Variants in CNIH3 observed in about 807,000 individuals in gnomAD.
CNIH3 encodes cornichon family AMPA receptor auxiliary protein 3.
A neutral mutation model predicts 24.1 loss-of-function variants in CNIH3; 14 were observed. The ratio of observed to expected loss-of-function variants is 0.58; its 90% confidence interval spans 0.38 to 0.91. CNIH3 has a LOEUF of 0.91. Ranked by LOEUF, CNIH3 falls within the 40% of genes least tolerant of loss-of-function variation. The pLI, the probability that CNIH3 is intolerant of heterozygous loss-of-function variation, is 0.00. For missense variants in CNIH3, 178 were observed against 196.8 expected, an observed-to-expected ratio of 0.90 and a Z score of 0.57; for synonymous variants, 68 against 73.8, an observed-to-expected ratio of 0.92 and a Z score of 0.40.
intron 3 of CNIH3, among the ~76,000 whole-genome samples, chr1:224,560,097 C>T (rs1335207825): frequency 6.6e-6 from 1 of 152,006 alleles, no homozygotes; most frequent in Non-Finnish European, 1.5e-5. Flanking sequence ...TATGGTATGC[C>T]ATAGAATGAA....
chr1:224,437,780 A>G (rs1416204794), intron 1 of CNIH3, among the ~76,000 whole-genome samples: 2 of 152,176 alleles, frequency 1.3e-5, no homozygotes, highest in Non-Finnish European at 2.9e-5. Context: ...AGTAAAATAT[A>G]TTTCTTCTGT....
chr1:224,446,212 GTTT>G (rs35812016), intron 1 of CNIH3, among the ~76,000 whole-genome samples: 2 of 108,874 alleles, frequency 1.8e-5, no homozygotes, highest in Non-Finnish European at 3.8e-5. Context: ...TTTCAACTTT[GTTT>G]TTTTTTTTTT....
intron 1 of CNIH3, among the ~76,000 whole-genome samples, chr1:224,494,192 T>G (rs17570292): frequency 0.2 from 30,649 of 152,184 alleles, 3,320 homozygotes; most frequent in Middle Eastern, 0.26. Context: ...CATCCCTTAT[T>G]GATAAAATTG....
At chr1:224,683,576 C>T (rs1018395062) in intron 2 of CNIH3, among the ~76,000 whole-genome samples, 1 of 152,210 alleles carries the variant, frequency 6.6e-6, no homozygotes, top group Non-Finnish European at 1.5e-5. Flanking sequence ...TATGATGCGT[C>T]TCTCAATGAG....
intron 3 of CNIH3, among the ~76,000 whole-genome samples, chr1:224,564,213 A>C (rs1003654171): frequency 4.6e-5 from 7 of 152,218 alleles, no homozygotes; most frequent in Admixed American, 2.0e-4. Flanking sequence ...AATTCATCAC[A>C]TAGTATCAAT....
chr1:224,669,720 C>A (rs1228116334), intron 1 of CNIH3, among the ~76,000 whole-genome samples: 1 of 152,180 alleles, frequency 6.6e-6, no homozygotes, highest in Non-Finnish European at 1.5e-5. Context: ...AGGCATTGTG[C>A]CCGGTGCTTG....
At chr1:224,434,698 G>A (rs1031630344) in exon 1 of CNIH3, 43 of 941,980 alleles carry the variant, frequency 4.6e-5, no homozygotes, top group Admixed American at 6.3e-5. Context: ...TGCGGCGGCG[G>A]CGGCGGCGGG....
chr1:224,529,541 A>T (rs1408171745), intron 2 of CNIH3: 3 of 152,144 alleles, frequency 2.0e-5, no homozygotes, highest in Non-Finnish European at 2.9e-5. Flanking sequence ...GCTGTTTTGG[A>T]CATGTGCTGC....
intron 1 of CNIH3, among the ~76,000 whole-genome samples, chr1:224,627,403 T>A (rs549595749): frequency 6.6e-6 from 1 of 152,112 alleles, no homozygotes; most frequent in South Asian, 2.1e-4. Context: ...TTTTTGTATT[T>A]TTAGTAGAGA....
chr1:224,523,051 A>G (rs1260142999), intron 2 of CNIH3, among the ~76,000 whole-genome samples: 2 of 152,158 alleles, frequency 1.3e-5, no homozygotes, highest in Non-Finnish European at 2.9e-5. Context: ...CCTGGGCAAC[A>G]TAGGAAGACT....
At chr1:224,444,413 A>T in intron 1 of CNIH3, among the ~76,000 whole-genome samples, 1 of 151,998 alleles carries the variant, frequency 6.6e-6, no homozygotes, top group East Asian at 1.9e-4. Flanking sequence ...TCTGTTGCCT[A>T]GGCTGGAGTG....
intron 4 of CNIH3, chr1:224,583,077 C>A (rs1681345496): frequency 6.6e-6 from 1 of 152,164 alleles, no homozygotes; most frequent in African/African-American, 2.4e-5. Context: ...AAAAACATTA[C>A]ATTTTAAAGA....
intron 1 of CNIH3, among the ~76,000 whole-genome samples, chr1:224,499,803 C>T (rs771463243): frequency 1.3e-5 from 2 of 151,748 alleles, no homozygotes; most frequent in Non-Finnish European, 2.9e-5. Flanking sequence ...GTGGCTCACA[C>T]CTGTAATCCC....
intron 4 of CNIH3, among the ~76,000 whole-genome samples, chr1:224,732,822 A>G (rs1430094360): frequency 6.6e-6 from 1 of 152,160 alleles, no homozygotes; most frequent in Non-Finnish European, 1.5e-5. Context: ...AGGAAAGTTG[A>G]TCTCTATGGA....
intron 2 of CNIH3, among the ~76,000 whole-genome samples, chr1:224,542,981 G>A (rs1487830195): frequency 6.6e-6 from 1 of 152,170 alleles, no homozygotes; most frequent in Non-Finnish European, 1.5e-5. Flanking sequence ...CTCATGCTAG[G>A]CCTCTAGACA....
intron 2 of CNIH3, among the ~76,000 whole-genome samples, chr1:224,683,350 A>C (rs983314275): frequency 1.3e-5 from 2 of 152,214 alleles, no homozygotes; most frequent in African/African-American, 4.8e-5. Flanking sequence ...CCCTAAATGG[A>C]AGACTGCTAG....
rs536908236 is a variant in CNIH3 at position 224,625,449 on chromosome 1, G to A, written c.81+8194G>A. Among the ~76,000 whole-genome samples, 14 of 152,324 alleles carry A rather than the reference G, an allele frequency of 9.2e-5. 1 individual carries two copies. In the South Asian group the frequency reaches 1.0e-3, roughly 11 times the overall value. ...TGGGCGCCTATAGTCCCAGCTACTC[G>A]GGATGCTGAGGCAGGGGAATGGTGT... is the stretch of plus-strand genomic sequence containing the variant. On this transcript the variant is annotated intron_variant, in intron 1 of 5. Coordinates refer to ENST00000272133, the MANE Select transcript of CNIH3 (RefSeq NM_152495.2).
intron 4 of CNIH3, among the ~76,000 whole-genome samples, chr1:224,571,137 T>C (rs1460790555): frequency 1.3e-5 from 2 of 152,246 alleles, no homozygotes; most frequent in Non-Finnish European, 2.9e-5. Context: ...TATTCTCCTT[T>C]GAGTGTGTCT....
upstream of CNIH3, chr1:224,615,337 A>G (rs1682905193): frequency 6.6e-6 from 1 of 151,862 alleles, no homozygotes; most frequent in African/African-American, 2.4e-5. Context: ...TCTGAAACTG[A>G]AGTTCTCTCT....
Sources: gnomAD v4.1 joint callset for allele counts (sites outside exome capture counted in the v4.1 genomes callset) on GRCh38, gnomAD v4.1.1 for gene constraint, MANE v1.5 for transcripts, NCBI Gene and HGNC (gene_info 2026-07-23, HGNC 2026-07-21) for gene names.